SLC4A8: variants seen among roughly 807,000 people sequenced by gnomAD.
SLC4A8 encodes the protein solute carrier family 4 member 8.
A neutral mutation model predicts 125.0 loss-of-function variants in SLC4A8; 40 were observed. The observed-to-expected ratio is 0.32, with a 90% CI of 0.25 to 0.42. The LOEUF is 0.42. Ranked by LOEUF, SLC4A8 falls within the 10% of genes least tolerant of loss-of-function variation. The pLI is 1.00. For missense variants in SLC4A8, 863 were observed against 1,355.1 expected (o/e 0.64, Z 5.70); for synonymous variants, 456 against 476.0 (o/e 0.96, Z 0.55).
At position 51,488,851 on chromosome 12, in the gene SLC4A8, TA is replaced by T; in HGVS notation, c.2441del (p.Lys814SerfsTer13). The T allele has an allele frequency of 6.2e-7, 1 of 1,612,856 alleles. No homozygotes were observed. The highest frequency in any genetic ancestry group is 1.1e-5 in the South Asian group (1 of 90,902). On this transcript the variant is annotated frameshift_variant, in exon 18 of 25. Coordinates refer to ENST00000453097, the MANE Select transcript of SLC4A8 (RefSeq NM_001039960.3). LOFTEE classifies it high-confidence loss of function. ...CCGTCATTATTAACAGGAAGGAACA[TA>T]AGCTCAAGGTAAAAAGAGGTTCTGA... ...TAVIINRKEH[K>X]LKKGCGYHLD...
At chr12:51,506,112 A>G (rs1361434604) in intron 24 of SLC4A8, among the ~76,000 whole-genome samples, 182 bp downstream of exon 24, 1 of 152,216 alleles carries the variant, frequency 6.6e-6, no homozygotes, top group African/African-American at 2.4e-5. Context: ...TTTTCTAAAT[A>G]TTTGGTCAGG....
At chr12:51,493,223 A>G (rs1191204722) in intron 19 of SLC4A8, among the ~76,000 whole-genome samples, 1 of 152,046 alleles carries the variant, frequency 6.6e-6, no homozygotes, top group South Asian at 2.1e-4. Flanking sequence ...CCAGACCATT[A>G]CCTCTTTGAT....
chr12:51,461,398 A>G, intron 9 of SLC4A8, 107 bp downstream of exon 9: 1 of 706,408 alleles, frequency 1.4e-6, no homozygotes, highest in Non-Finnish European at 2.5e-6. Flanking sequence ...TTTCCATTGC[A>G]ATATCTGCTG....
intron 9 of SLC4A8, chr12:51,462,036 G>T (rs1950341971): frequency 6.6e-6 from 2 of 303,236 alleles, no homozygotes; most frequent in South Asian, 1.1e-4. Flanking sequence ...CATCCTTTGT[G>T]GAGATAACAT....
intron 22 of SLC4A8, chr12:51,502,498 A>C (rs1208431126): frequency 6.6e-6 from 1 of 150,964 alleles, no homozygotes; most frequent in Non-Finnish European, 1.5e-5. Flanking sequence ...TGGCCTCCCA[A>C]AGTGCTGGGA....
chr12:51,449,291 A>G (rs888171094), intron 2 of SLC4A8, among the ~76,000 whole-genome samples: 2 of 152,088 alleles, frequency 1.3e-5, no homozygotes, highest in East Asian at 3.8e-4. Flanking sequence ...CAAAAAAATT[A>G]GCTGGGCGTG....
chr12:51,502,584 G>C (rs139443052), intron 22 of SLC4A8, among the ~76,000 whole-genome samples: 2,125 of 151,532 alleles, frequency 0.014, 55 homozygotes, highest in African/African-American at 0.049. Flanking sequence ...AGGCTGGAGT[G>C]CAGTGGTGTT....
intron 2 of SLC4A8, among the ~76,000 whole-genome samples, chr12:51,446,657 C>T (rs1255992436): frequency 6.6e-6 from 1 of 152,222 alleles, no homozygotes; most frequent in African/African-American, 2.4e-5. Flanking sequence ...TCAACCTCCC[C>T]ATGCCCTGGT....
chr12:51,415,228 T>C (rs866086966), intron 1 of SLC4A8, among the ~76,000 whole-genome samples: 10 of 152,236 alleles, frequency 6.6e-5, no homozygotes, highest in African/African-American at 2.4e-4. Flanking sequence ...CAACCTAATT[T>C]TGATATCACA....
intron 19 of SLC4A8, among the ~76,000 whole-genome samples, chr12:51,492,158 G>A (rs1360900468): frequency 6.6e-6 from 1 of 152,130 alleles, no homozygotes; most frequent in African/African-American, 2.4e-5. Flanking sequence ...TTTTGTGGGT[G>A]GAAGGCCTGC....
chr12:51,459,608 G>A (rs896257473), intron 7 of SLC4A8, among the ~76,000 whole-genome samples: 1 of 152,160 alleles, frequency 6.6e-6, no homozygotes, highest in African/African-American at 2.4e-5. Flanking sequence ...AGTGGCTAAC[G>A]CCTGTAATCT....
At chr12:51,412,361 C>T (rs1279300082) in intron 1 of SLC4A8, among the ~76,000 whole-genome samples, 8 of 152,048 alleles carry the variant, frequency 5.3e-5, no homozygotes, top group Non-Finnish European at 8.8e-5. Flanking sequence ...TACATGCATA[C>T]AGTATGTATT....
intron 16 of SLC4A8, 73 bp from the exon 17 acceptor site, chr12:51,485,714 C>A: frequency 1.3e-6 from 1 of 754,964 alleles, no homozygotes; most frequent in Non-Finnish European, 2.3e-6. Flanking sequence ...ATTTTTAAGC[C>A]TTTTACAATA....
chr12:51,434,153 G>A (rs117281886), intron 1 of SLC4A8, among the ~76,000 whole-genome samples: 3,822 of 152,098 alleles, frequency 0.025, 63 homozygotes, highest in Non-Finnish European at 0.038. Flanking sequence ...GGGGTTATAG[G>A]CATGAGTTGC....
intron 19 of SLC4A8, among the ~76,000 whole-genome samples, chr12:51,490,513 A>G (rs185324115): frequency 6.9e-4 from 103 of 148,612 alleles, no homozygotes; most frequent in African/African-American, 2.4e-3. Context: ...CAGTGAGCCG[A>G]GATCATGCCA....
At position 51,450,918 on chromosome 12, in the gene SLC4A8, G is replaced by C. The variant is rs772364641; in HGVS notation, c.173G>C (p.Arg58Pro). ...LYVGVRMPLG[R>P]QSHRHHRTHG... ...GTGGGAGTTCGGATGCCGCTTGGCC[G>C]GCAGAGCCATCGGCATCACCGCACT... Residue 58 changes from arginine to proline, a missense_variant, in exon 3 of 25, where the codon CGG becomes CCG. Physicochemically the swap from Arg to Pro is moderately radical, Grantham distance 103. This residue lies in a region of SLC4A8 where 104 missense variants were observed against 116.4 expected (regional missense o/e 0.89). Transcript: ENST00000453097. 6.2e-7 allele frequency: 1 copy of C among 1,612,022 alleles called. No individual in the cohort carries two copies. Among genetic ancestry groups the C allele is most frequent in the Admixed American group, 1.7e-5 (1 of 59,834 alleles).
At position 51,450,914 on chromosome 12, in the gene SLC4A8, G is replaced by C; in HGVS notation, c.169G>C (p.Gly57Arg). ...GTATGTGGGAGTTCGGATGCCGCTT[G>C]GCCGGCAGAGCCATCGGCATCACCG... ...TLYVGVRMPL[G>R]RQSHRHHRTH... is the part of the protein sequence containing the mutation. The change falls in exon 3 of 25, where the codon GGC (glycine) becomes CGC (arginine). Residue 57 changes from glycine (G) to arginine (R), a missense_variant. This residue lies in a region of SLC4A8 where 104 missense variants were observed against 116.4 expected (regional missense o/e 0.89). Transcript: ENST00000453097. The C allele has an allele frequency of 6.2e-7, 1 of 1,612,494 alleles. No individual in the cohort carries two copies. Among genetic ancestry groups the C allele is most frequent in the Non-Finnish European group, 8.5e-7 (1 of 1,179,212 alleles).
intron 16 of SLC4A8, among the ~76,000 whole-genome samples, 179 bp downstream of exon 16, chr12:51,475,385 G>A (rs1369650089): frequency 6.6e-6 from 1 of 152,198 alleles, no homozygotes; most frequent in African/African-American, 2.4e-5. Flanking sequence ...CTGTGGTTGG[G>A]AATGAAGGGT....
At chr12:51,422,356 A>G (rs10876177), upstream of SLC4A8, among the ~76,000 whole-genome samples, 140,957 of 152,200 alleles carry the variant, frequency 0.93, 65,337 homozygotes, top group Non-Finnish European at 0.95. Context: ...ATTTGATCAC[A>G]GCCTTTTATT....
Sources: gnomAD v4.1 joint callset for allele counts (sites outside exome capture counted in the v4.1 genomes callset) on GRCh38, gnomAD v4.1.1 for gene constraint, gnomAD v4.1.1 regional missense constraint, MANE v1.5 for transcripts, NCBI Gene and HGNC (gene_info 2026-07-23, HGNC 2026-07-21) for gene names.